Variants in C5 observed in about 807,000 individuals in gnomAD.
The protein encoded by C5 is C3 and PZP-like alpha-2-macroglobulin domain-containing protein 4.
Under a neutral mutation model 218.8 loss-of-function variants are expected in C5, and 140 were observed. That is an observed-to-expected ratio of 0.64 (90% CI 0.56 to 0.74). C5 has a LOEUF of 0.74. Among genes scored for constraint, C5 ranks in the 30% least tolerant of loss-of-function variants. The probability of loss-of-function intolerance (pLI) is 0.00; values close to 1 mark genes in which losing one functional copy is unlikely to be tolerated. For missense variants in C5, 1,700 were observed against 1,969.6 expected (o/e 0.86, Z 2.59); for synonymous variants, 614 against 682.3 (o/e 0.90, Z 1.56).
intron 1 of C5, 51 bp from the exon 2 acceptor site, chr9:121,046,434 C>G: frequency 1.1e-5 from 14 of 1,329,808 alleles, no homozygotes; most frequent in Non-Finnish European, 1.5e-5. Flanking sequence ...GACATATTTT[C>G]TTTTACTTTT....
chr9:121,062,063 T>G, the C5 span, among the ~76,000 whole-genome samples: 1 of 118,720 alleles, frequency 8.4e-6, no homozygotes. Flanking sequence ...GTTGTTGTTG[T>G]TTTTCTTTTT....
At chr9:120,990,859 G>A (rs2047071863) in intron 23 of C5, among the ~76,000 whole-genome samples, 1 of 152,220 alleles carries the variant, frequency 6.6e-6, no homozygotes, top group Admixed American at 6.5e-5. Context: ...GGCCTTCTCT[G>A]GAGCGGGACT....
chr9:121,019,979 GTAAT>G lies in C5; in HGVS notation c.1499_1502del (p.Asn500ThrfsTer2). 6.4e-7 allele frequency: 1 copy of G among 1,570,018 alleles called. No individual in the cohort carries two copies. Among genetic ancestry groups the G allele is most frequent in the South Asian group, 1.1e-5 (1 of 90,252 alleles). ...AAATCCATCATTATGTACTTACCAA[GTAAT>G]TATAGTGAGTTATTTTGTCAATATA... On this transcript the variant is annotated frameshift_variant, in exon 12 of 41. Transcript: ENST00000223642. LOFTEE classifies it high-confidence loss of function.
At chr9:120,983,529 T>A (rs1000273226) in intron 25 of C5, among the ~76,000 whole-genome samples, 2 of 152,206 alleles carry the variant, frequency 1.3e-5, no homozygotes, top group African/African-American at 4.8e-5. Flanking sequence ...AATTTGTGTT[T>A]CTTTTTCATT....
At chr9:120,988,362 A>G (rs528867771) in intron 25 of C5, among the ~76,000 whole-genome samples, 1 of 152,176 alleles carries the variant, frequency 6.6e-6, no homozygotes, top group Non-Finnish European at 1.5e-5. Context: ...TTGGGAGGGG[A>G]GTGGATTGCA....
the C5 span, among the ~76,000 whole-genome samples, chr9:121,058,437 T>C: frequency 1.3e-5 from 2 of 152,144 alleles, no homozygotes; most frequent in African/African-American, 4.8e-5. Context: ...TATATATATG[T>C]ATATATAAAA....
intron 25 of C5, among the ~76,000 whole-genome samples, chr9:120,984,691 T>C (rs1024627708): frequency 1.4e-4 from 17 of 123,628 alleles, no homozygotes; most frequent in African/African-American, 3.8e-4. Context: ...TTATAGTAAG[T>C]ATTCAATAGG....
intron 31 of C5, among the ~76,000 whole-genome samples, chr9:120,971,136 C>T (rs1403519602): frequency 5.5e-5 from 8 of 144,980 alleles, no homozygotes; most frequent in African/African-American, 1.5e-4. Flanking sequence ...TGCACCACTG[C>T]ACTCTAGCCT....
At chr9:120,978,044 C>G (rs544783702) in intron 28 of C5, among the ~76,000 whole-genome samples, 6 of 151,986 alleles carry the variant, frequency 3.9e-5, no homozygotes, top group African/African-American at 1.4e-4. Context: ...ACTGGAGAAC[C>G]TTTTTCCTGA....
intron 16 of C5, among the ~76,000 whole-genome samples, chr9:121,014,630 T>G (rs572728581): frequency 3.9e-5 from 6 of 152,150 alleles, no homozygotes; most frequent in Non-Finnish European, 8.8e-5. Flanking sequence ...AAATAACTCA[T>G]ATACAAATGG....
intron 39 of C5, chr9:120,956,953 A>G (rs578079071): frequency 2.9e-6 from 1 of 346,442 alleles, no homozygotes; most frequent in African/African-American, 2.1e-5. Context: ...AATGATCTAT[A>G]TACCAAACCC....
chr9:121,015,773 C>A (rs1222047744), intron 15 of C5, among the ~76,000 whole-genome samples: 1 of 152,152 alleles, frequency 6.6e-6, no homozygotes, highest in Non-Finnish European at 1.5e-5. Context: ...CACAATGACA[C>A]AATGCTGTTC....
intron 17 of C5, among the ~76,000 whole-genome samples, chr9:121,009,878 T>C (rs1012453963): frequency 2.0e-5 from 3 of 152,208 alleles, no homozygotes; most frequent in Admixed American, 6.5e-5. Context: ...TGGCTTTGCA[T>C]TGAACTCAGT....
At chr9:120,958,279 C>T (rs931265341) in intron 38 of C5, among the ~76,000 whole-genome samples, 2 of 152,142 alleles carry the variant, frequency 1.3e-5, no homozygotes, top group African/African-American at 2.4e-5. Context: ...ACTATGTGGG[C>T]CTGGGTACAG....
chr9:120,961,243 C>T (rs1487805893), intron 37 of C5, among the ~76,000 whole-genome samples: 1 of 152,126 alleles, frequency 6.6e-6, no homozygotes, highest in Non-Finnish European at 1.5e-5. Context: ...CTATAATATT[C>T]AACAACCCTC....
chr9:120,988,956 G>A lies in C5; in HGVS notation c.3230+90C>T. 8 of 942,510 alleles carry A rather than the reference G, an allele frequency of 8.5e-6. No homozygotes were observed. In the South Asian group the frequency reaches 1.0e-4, roughly 12 times the overall value. The allele number at this position is 942,510 out of a possible 1,614,324, so 58.4% of individuals were successfully genotyped here. A position where few individuals can be genotyped will look rare whatever the true frequency, so the allele number is the denominator to read the frequency against. ...AAGGATGACGAGGCTTTTAGCCTGA[G>A]CAACTGGAGGAATGGAGTTTCCATT... On this transcript the variant is annotated intron_variant, in intron 25 of 40. Coordinates refer to ENST00000223642, the MANE Select transcript of C5 (RefSeq NM_001735.3).
At chr9:120,978,647 C>G (rs868156617) in intron 28 of C5, among the ~76,000 whole-genome samples, 4 of 152,134 alleles carry the variant, frequency 2.6e-5, no homozygotes, top group Non-Finnish European at 5.9e-5. Flanking sequence ...TTTATAAAGC[C>G]TTAGCTAGAA....
chr9:120,984,969 G>A (rs530412747), intron 25 of C5, among the ~76,000 whole-genome samples: 3 of 151,958 alleles, frequency 2.0e-5, no homozygotes, highest in Non-Finnish European at 2.9e-5. Flanking sequence ...TGATCCACCC[G>A]CCTCAGCCTC....
At position 121,034,897 on chromosome 9, in the gene C5, G is replaced by A. The variant is rs1346066846; in HGVS notation, c.493-3C>T. 2 of 1,538,378 alleles carry A rather than the reference G, an allele frequency of 1.3e-6. No individual in the cohort carries two copies. Among genetic ancestry groups the A allele is most frequent in the Non-Finnish European group, 1.8e-6 (2 of 1,115,546 alleles). Reference sequence around the variant, plus strand: ...TCAACTTCTGATCCTTCAGGATCCTGTAAATAAAAACAAACACCCTCAAAG... The same window carrying A: ...TCAACTTCTGATCCTTCAGGATCCTATAAATAAAAACAAACACCCTCAAAG... On this transcript the variant is annotated splice_polypyrimidine_tract_variant and splice_region_variant and intron_variant, in intron 4 of 40. Coordinates refer to ENST00000223642, the MANE Select transcript of C5 (RefSeq NM_001735.3).
Sources: gnomAD v4.1 joint callset for allele counts (sites outside exome capture counted in the v4.1 genomes callset) on GRCh38, gnomAD v4.1.1 for gene constraint, MANE v1.5 for transcripts, NCBI Gene and HGNC (gene_info 2026-07-23, HGNC 2026-07-21) for gene names.